Variants in ASPH observed in about 807,000 individuals in gnomAD.
The protein encoded by ASPH is aspartate beta-hydroxylase.
ASPH carries 100 observed loss-of-function variants against 118.4 expected under a neutral mutation model. That is an observed-to-expected ratio of 0.84 (90% CI 0.72 to 1.00). The LOEUF is 1.00. ASPH is among the 50% of genes least tolerant of loss of function. ASPH has a pLI of 0.00. For missense variants in ASPH, 920 were observed against 919.5 expected, an observed-to-expected ratio of 1.00 and a Z score of -0.01; for synonymous variants, 315 against 325.6, an observed-to-expected ratio of 0.97 and a Z score of 0.35.
At chr8:61,587,176 A>C (rs1266550171) in intron 14 of ASPH, among the ~76,000 whole-genome samples, 1 of 152,234 alleles carries the variant, frequency 6.6e-6, no homozygotes, top group Non-Finnish European at 1.5e-5. Flanking sequence ...CTCCTCCCAG[A>C]AACCCTAATC....
intron 22 of ASPH, among the ~76,000 whole-genome samples, chr8:61,520,655 G>A (rs2129620262): frequency 6.6e-6 from 1 of 152,336 alleles, no homozygotes; most frequent in East Asian, 1.9e-4. Context: ...ACCGTAAAGT[G>A]TTTTTGAGCC....
At chr8:61,516,533 T>C (rs1810986802) in intron 24 of ASPH, among the ~76,000 whole-genome samples, 1 of 152,086 alleles carries the variant, frequency 6.6e-6, no homozygotes, top group African/African-American at 2.4e-5. Flanking sequence ...CTAAGAACAA[T>C]AAGAAATGTG....
intron 21 of ASPH, among the ~76,000 whole-genome samples, chr8:61,547,216 G>A (rs1443797237): frequency 2.0e-5 from 3 of 152,186 alleles, no homozygotes; most frequent in Non-Finnish European, 2.9e-5. Context: ...AGTAGAGACC[G>A]TTAAAGTTCA....
chr8:61,518,947 G>A (rs890232238), intron 22 of ASPH, among the ~76,000 whole-genome samples: 11 of 152,174 alleles, frequency 7.2e-5, no homozygotes, highest in African/African-American at 1.9e-4. Flanking sequence ...ACTTTTCACC[G>A]TGATATGCAA....
intron 3 of ASPH, among the ~76,000 whole-genome samples, chr8:61,680,197 T>C (rs896933200): frequency 6.6e-6 from 1 of 151,816 alleles, no homozygotes; most frequent in African/African-American, 2.4e-5. Context: ...TAGTGTATAA[T>C]ATCATGCCAT....
chr8:61,582,279 T>C (rs1837800163), intron 15 of ASPH, among the ~76,000 whole-genome samples: 1 of 152,218 alleles, frequency 6.6e-6, no homozygotes, highest in Admixed American at 6.5e-5. Flanking sequence ...TGAGCCCTCC[T>C]TTATCATTCA....
In ASPH at chr8:61,638,245, G is replaced by C. The variant is rs900145408; in HGVS notation, c.832+77C>G. The stretch of plus-strand genomic sequence containing the variant: ...TGCATTTTTTCTACACTGACTCTTT[G>C]TTCCACAGGTAGGAGTTTTAACAAA... On this transcript the variant is annotated intron_variant, in intron 11 of 24. Coordinates refer to ENST00000379454, the MANE Select transcript of ASPH (RefSeq NM_004318.4). The C allele has an allele frequency of 5.3e-6, 8 of 1,513,584 alleles. No individual in the cohort carries two copies. In the African/African-American group the frequency reaches 1.1e-4, roughly 21 times the overall value. 93.8% of individuals were successfully genotyped at this position (1,513,584 alleles called of 1,614,324 possible). A position where few individuals can be genotyped will look rare whatever the true frequency, so the allele number is the denominator to read the frequency against.
chr8:61,622,001 T>C (rs1851114181), intron 13 of ASPH, among the ~76,000 whole-genome samples: 1 of 152,256 alleles, frequency 6.6e-6, no homozygotes, highest in Non-Finnish European at 1.5e-5. Context: ...GATCTTTAAA[T>C]ATTGTCATGC....
chr8:61,668,311 CA>C (rs1820727211), intron 3 of ASPH: 1 of 1,554,844 alleles, frequency 6.4e-7, no homozygotes, highest in South Asian at 1.2e-5. Context: ...AGGTTATAAA[CA>C]GAAAATTTAA....
intron 21 of ASPH, among the ~76,000 whole-genome samples, chr8:61,539,500 G>A (rs1001122695): frequency 6.6e-6 from 1 of 152,166 alleles, no homozygotes; most frequent in East Asian, 1.9e-4. Context: ...TTGACCTCTC[G>A]GCTTGGGGTT....
At chr8:61,667,944 T>A (rs1422470055) in intron 3 of ASPH, among the ~76,000 whole-genome samples, 1 of 152,142 alleles carries the variant, frequency 6.6e-6, no homozygotes, top group African/African-American at 2.4e-5. Flanking sequence ...ATTTAATATA[T>A]ACATCATAAC....
At chr8:61,540,859 G>T (rs1260295997) in intron 21 of ASPH, among the ~76,000 whole-genome samples, 1 of 152,178 alleles carries the variant, frequency 6.6e-6, no homozygotes. Context: ...TTAGGAGGCG[G>T]AGGTGGGTGG....
rs563635493 is a variant in ASPH, at chr8:61,672,801, A to G, written c.322+8167T>C. On this transcript the variant is annotated intron_variant, in intron 3 of 24. Transcript: ENST00000379454. Reference sequence around the variant, plus strand: ...TTCCATCATTTAACTTATGAAAATAAAGTCTGGGTCACTGAGTTTCTTTAA... The same window carrying G: ...TTCCATCATTTAACTTATGAAAATAGAGTCTGGGTCACTGAGTTTCTTTAA... Among the ~76,000 whole-genome samples the G allele has an allele frequency of 3.6e-3, 550 of 152,324 alleles. 3 individuals are homozygous for G. Among genetic ancestry groups the G allele is most frequent in the Middle Eastern group, 6.8e-3 (2 of 294 alleles).
chr8:61,631,075 A>T (rs1010165143), intron 13 of ASPH, among the ~76,000 whole-genome samples: 1 of 152,236 alleles, frequency 6.6e-6, no homozygotes, highest in Non-Finnish European at 1.5e-5. Context: ...ATAAGGATAT[A>T]AGAACATTTT....
At chr8:61,512,106 G>C (rs547575070) in intron 24 of ASPH, among the ~76,000 whole-genome samples, 1 of 152,218 alleles carries the variant, frequency 6.6e-6, no homozygotes, top group Admixed American at 6.5e-5. Context: ...AAGGCTATGT[G>C]ATCATGTCTA....
intron 22 of ASPH, among the ~76,000 whole-genome samples, chr8:61,521,899 C>T (rs1444573913): frequency 6.6e-6 from 1 of 152,130 alleles, no homozygotes; most frequent in East Asian, 1.9e-4. Context: ...ACAACAGGTT[C>T]CATCTTGCAT....
intron 18 of ASPH, among the ~76,000 whole-genome samples, chr8:61,561,199 G>A (rs1365166833): frequency 1.3e-5 from 2 of 151,628 alleles, no homozygotes; most frequent in Non-Finnish European, 2.9e-5. Flanking sequence ...ACAAACTAAT[G>A]GATATGTTTG....
intron 17 of ASPH, among the ~76,000 whole-genome samples, chr8:61,566,733 C>A (rs945448534): frequency 1.2e-4 from 18 of 152,210 alleles, no homozygotes; most frequent in African/African-American, 4.3e-4. Flanking sequence ...TGAGGCAAGA[C>A]CCTCCATCAG....
At chr8:61,637,902 A>G in intron 12 of ASPH, 45 bp downstream of exon 12, 1 of 1,539,302 alleles carries the variant, frequency 6.5e-7, no homozygotes, top group South Asian at 1.2e-5. Context: ...AAACAAACAC[A>G]ATTCTCATAT....
Sources: gnomAD v4.1 joint callset for allele counts (sites outside exome capture counted in the v4.1 genomes callset) on GRCh38, gnomAD v4.1.1 for gene constraint, MANE v1.5 for transcripts, NCBI Gene and HGNC (gene_info 2026-07-23, HGNC 2026-07-21) for gene names.